Variants in SLC30A7 observed in about 807,000 individuals in gnomAD.
SLC30A7 encodes the protein solute carrier family 30 member 7.
In SLC30A7, 35 loss-of-function variants were observed where a neutral mutation model predicts 46.0. The observed-to-expected ratio is 0.76, with a 90% CI of 0.58 to 1.01. SLC30A7 has a LOEUF of 1.01. Ranked by LOEUF, SLC30A7 falls within the 50% of genes least tolerant of loss-of-function variation. The probability of loss-of-function intolerance (pLI) is 0.00; values close to 1 mark genes in which losing one functional copy is unlikely to be tolerated. For synonymous variants in SLC30A7, 147 were observed against 157.8 expected, an observed-to-expected ratio of 0.93 and a Z score of 0.51; for missense variants, 464 against 451.1, an observed-to-expected ratio of 1.03 and a Z score of -0.26.
chr1:100,926,224 C>T (rs1166834357), intron 8 of SLC30A7, among the ~76,000 whole-genome samples: 6 of 152,104 alleles, frequency 3.9e-5, no homozygotes. Flanking sequence ...ATTATTTGCT[C>T]TTGTTTTTCT....
intron 4 of SLC30A7, among the ~76,000 whole-genome samples, chr1:100,911,724 T>A (rs1570515824): frequency 6.6e-6 from 1 of 151,810 alleles, no homozygotes; most frequent in Non-Finnish European, 1.5e-5. Context: ...TAATTTTTTT[T>A]TATTTTTAGT....
At chr1:100,987,048 G>A in the SLC30A7 span, among the ~76,000 whole-genome samples, 1 of 152,164 alleles carries the variant, frequency 6.6e-6, no homozygotes, top group South Asian at 2.1e-4. Context: ...TTAAATTGAG[G>A]TTAAGTTACA....
intron 10 of SLC30A7, among the ~76,000 whole-genome samples, chr1:100,968,665 A>T (rs1385544497): frequency 6.6e-6 from 1 of 151,924 alleles, no homozygotes; most frequent in Admixed American, 6.6e-5. Flanking sequence ...CAAAAATCCT[A>T]CTCTAACTAA....
At chr1:100,919,165 A>G (rs936964104) in intron 7 of SLC30A7, among the ~76,000 whole-genome samples, 1 of 152,230 alleles carries the variant, frequency 6.6e-6, no homozygotes, top group African/African-American at 2.4e-5. Flanking sequence ...AAAATTGTAT[A>G]TTACAAAGTT....
chr1:100,957,648 A>G (rs1334459541), intron 8 of SLC30A7, among the ~76,000 whole-genome samples: 1 of 152,200 alleles, frequency 6.6e-6, no homozygotes, highest in Non-Finnish European at 1.5e-5. Context: ...TTCACGTCAG[A>G]TATCTAAACA....
chr1:100,902,066 T>G (rs1397994399), intron 2 of SLC30A7, among the ~76,000 whole-genome samples: 3 of 152,224 alleles, frequency 2.0e-5, no homozygotes, highest in Middle Eastern at 3.2e-3. Flanking sequence ...TTTTTACATG[T>G]GATAGGTCAG....
At chr1:100,916,236 G>T (rs1652536498) in intron 6 of SLC30A7, among the ~76,000 whole-genome samples, 1 of 151,742 alleles carries the variant, frequency 6.6e-6, no homozygotes, top group South Asian at 2.1e-4. Flanking sequence ...ACCCAGGCTG[G>T]AGTTCAGTGG....
chr1:100,977,773 G>C lies in SLC30A7; in HGVS notation c.*2916G>C, dbSNP rs1314153650. On this transcript the variant is annotated 3_prime_UTR_variant, in exon 11 of 11. Coordinates refer to ENST00000357650, the MANE Select transcript of SLC30A7 (RefSeq NM_133496.5). ...TTGTTTTTTTTGTTTGTTTGTATTAGATGGAATTTCACTCTTGTCGCCCAG... is the reference window on the plus strand; with the variant it reads ...TTGTTTTTTTTGTTTGTTTGTATTACATGGAATTTCACTCTTGTCGCCCAG... 1 of 152,036 alleles carries C rather than the reference G, an allele frequency of 6.6e-6. No homozygotes were observed. Among genetic ancestry groups the C allele is most frequent in the Non-Finnish European group, 1.5e-5 (1 of 68,028 alleles). 9.4% of individuals were successfully genotyped at this position (152,036 alleles called of 1,614,324 possible). A position where few individuals can be genotyped will look rare whatever the true frequency, so the allele number is the denominator to read the frequency against.
intron 2 of SLC30A7, among the ~76,000 whole-genome samples, chr1:100,903,831 A>G (rs1651463601): frequency 6.6e-6 from 1 of 152,140 alleles, no homozygotes; most frequent in Non-Finnish European, 1.5e-5. Flanking sequence ...TGTATGTGTG[A>G]AGAATGTTTT....
chr1:100,940,963 C>G (rs924698878), intron 8 of SLC30A7: 1 of 387,628 alleles, frequency 2.6e-6, no homozygotes, highest in African/African-American at 2.1e-5. Flanking sequence ...CTGTAGTTTC[C>G]CTGTCACTTC....
At chr1:100,941,003 T>C in intron 8 of SLC30A7, 1 of 359,984 alleles carries the variant, frequency 2.8e-6, no homozygotes, top group Non-Finnish European at 5.4e-6. Flanking sequence ...TAAACTTTAT[T>C]TCCTAGCAGT....
rs747669914 is a variant in SLC30A7 at position 100,925,796 on chromosome 1, G to A, written c.842+3955G>A. Among the ~76,000 whole-genome samples the A allele has an allele frequency of 8.5e-5, 13 of 152,256 alleles. No individual in the cohort carries two copies. The Middle Eastern group carries it at 0.014, about 159-fold the overall frequency. ...GATCTCTCAGACATTGATATGGAGA[G>A]TTCAAATAGACAAAGAGTGTACAAA... On this transcript the variant is annotated intron_variant, in intron 8 of 10. Coordinates refer to ENST00000357650, the MANE Select transcript of SLC30A7 (RefSeq NM_133496.5).
intron 8 of SLC30A7, among the ~76,000 whole-genome samples, chr1:100,934,641 A>G (rs1362491982): frequency 1.3e-5 from 2 of 150,954 alleles, no homozygotes; most frequent in Non-Finnish European, 3.0e-5. Context: ...GAGGATACAC[A>G]TAGATTATCT....
chr1:100,976,146 A>G lies in SLC30A7; in HGVS notation c.*1289A>G, dbSNP rs543796929. On this transcript the variant is annotated 3_prime_UTR_variant, in exon 11 of 11. Coordinates refer to ENST00000357650, the MANE Select transcript of SLC30A7 (RefSeq NM_133496.5). ...TGAATTCCAAATTTCTGTAATAGCT[A>G]CTGTATCTGTGATAAACTTTCCTAT... The G allele has an allele frequency of 6.6e-6, 1 of 152,374 alleles. No homozygotes were observed. Among genetic ancestry groups the G allele is most frequent in the East Asian group, 1.9e-4 (1 of 5,190 alleles). The allele number at this position is 152,374 out of a possible 1,614,324, so 9.4% of individuals were successfully genotyped here. A position where few individuals can be genotyped will look rare whatever the true frequency, so the allele number is the denominator to read the frequency against.
chr1:100,967,838 G>C (rs1655944882), intron 10 of SLC30A7, among the ~76,000 whole-genome samples: 1 of 152,138 alleles, frequency 6.6e-6, no homozygotes, highest in Admixed American at 6.5e-5. Flanking sequence ...GGGAAAAAAA[G>C]CAACCACAAA....
intron 8 of SLC30A7, among the ~76,000 whole-genome samples, chr1:100,937,426 T>A (rs61780298): frequency 2.0e-5 from 3 of 152,128 alleles, no homozygotes; most frequent in African/African-American, 7.2e-5. Flanking sequence ...CTCCACATGC[T>A]TTCCAAAACT....
chr1:100,986,436 A>G (rs895442075), downstream of SLC30A7, among the ~76,000 whole-genome samples: 1 of 151,898 alleles, frequency 6.6e-6, no homozygotes, highest in African/African-American at 2.4e-5. Context: ...ACACCACTAC[A>G]CACCTATCAG....
intron 8 of SLC30A7, among the ~76,000 whole-genome samples, chr1:100,933,338 C>G (rs898415755): frequency 2.0e-5 from 3 of 151,956 alleles, no homozygotes; most frequent in Non-Finnish European, 4.4e-5. Context: ...CTTTGCTGCC[C>G]CTGTACCTTT....
At chr1:100,993,198 G>T in the SLC30A7 span, among the ~76,000 whole-genome samples, 16,823 of 151,998 alleles carry the variant, frequency 0.11, 1,102 homozygotes, top group Non-Finnish European at 0.15. Context: ...GATGGCATAC[G>T]TTTATTTCTG....
Sources: allele counts gnomAD v4.1 joint callset (sites outside exome capture counted in the v4.1 genomes callset), GRCh38; gene constraint gnomAD v4.1.1; transcripts MANE v1.5; gene names NCBI Gene and HGNC (gene_info 2026-07-23, HGNC 2026-07-21).